The following TENT5D variants were observed in gnomAD, a reference collection of about 807,000 sequenced individuals.
TENT5D encodes cancer/testis antigen 112.
For synonymous variants in TENT5D, 103 were observed against 100.6 expected (o/e 1.02, Z -0.15); for missense variants, 191 against 287.0 (o/e 0.67, Z 2.42).
chrX:80,431,092 C>T (rs1329019152), intron 1 of TENT5D, among the ~76,000 whole-genome samples: 3 of 111,870 alleles, frequency 2.7e-5, no homozygotes, highest in Non-Finnish European at 3.8e-5. Flanking sequence ...ATATAAAATC[C>T]CATTGTTGTT....
At chrX:80,351,856 G>A (rs1481489968) in intron 3 of TENT5D, among the ~76,000 whole-genome samples, 1 of 112,056 alleles carries the variant, frequency 8.9e-6, no homozygotes, top group Non-Finnish European at 1.9e-5. Context: ...TTTTGTTGAT[G>A]TTGATGTTAT....
intron 1 of TENT5D, among the ~76,000 whole-genome samples, chrX:80,426,044 A>G (rs1341518333): frequency 9.1e-6 from 1 of 110,276 alleles, no homozygotes; most frequent in Non-Finnish European, 1.9e-5. Flanking sequence ...AATAATAATA[A>G]TAATAATATT....
At chrX:80,381,119 G>C (rs1930857044) in intron 3 of TENT5D, among the ~76,000 whole-genome samples, 2 of 111,819 alleles carry the variant, frequency 1.8e-5, no homozygotes, top group African/African-American at 6.5e-5. Flanking sequence ...TCCATGTTTA[G>C]TGCTTCCTTC....
chrX:80,366,208 AGTGTGTGT>A (rs3087109), intron 3 of TENT5D, among the ~76,000 whole-genome samples: 6 of 98,457 alleles, frequency 6.1e-5, no homozygotes, highest in East Asian at 3.3e-4. Flanking sequence ...GAAGACAGGG[AGTGTGTGT>A]GTGTGTGTGT....
Position 80,391,411 on chromosome X carries a change from AAAT to A in TENT5D, c.-141-47194_-141-47192del, listed in dbSNP as rs765699390. Among the ~76,000 whole-genome samples, 31 of 112,418 alleles carry A rather than the reference AAAT, an allele frequency of 2.8e-4. 1 individual carries two copies. The highest frequency in any genetic ancestry group is 4.5e-4 in the Non-Finnish European group (24 of 53,223). On this transcript the variant is annotated intron_variant, in intron 3 of 4. Coordinates refer to the TENT5D transcript ENST00000538312. Reference sequence around the variant, plus strand: ...GATCTTACATTATATACTTTAAACTAAATAATATTCTGCTACTTTTTAAACATT... The same window carrying A: ...GATCTTACATTATATACTTTAAACTAAATATTCTGCTACTTTTTAAACATT...
intron 2 of TENT5D, among the ~76,000 whole-genome samples, chrX:80,341,167 T>A (rs1224437727): frequency 8.9e-6 from 1 of 112,449 alleles, no homozygotes; most frequent in Non-Finnish European, 1.9e-5. Flanking sequence ...AAAAATTCTC[T>A]GAAGTATTTA....
chrX:80,384,208 T>C (rs1311499182), intron 3 of TENT5D, among the ~76,000 whole-genome samples: 1 of 99,085 alleles, frequency 1.0e-5, no homozygotes, highest in African/African-American at 3.7e-5. Context: ...CAGCAGCACA[T>C]CAAAAAGCTT....
At chrX:80,357,890 C>T (rs186689602) in intron 3 of TENT5D, among the ~76,000 whole-genome samples, 71 of 111,728 alleles carry the variant, frequency 6.4e-4, no homozygotes, top group Non-Finnish European at 1.0e-3. Context: ...ACGCTGGAGG[C>T]ATCACGCTAC....
chrX:80,412,585 C>T (rs777061491), intron 3 of TENT5D, among the ~76,000 whole-genome samples: 17 of 111,606 alleles, frequency 1.5e-4, no homozygotes, highest in African/African-American at 4.9e-4. Context: ...TGCCAGATAC[C>T]GTAAATCATC....
intron 3 of TENT5D, among the ~76,000 whole-genome samples, chrX:80,373,148 T>A (rs1268036098): frequency 9.0e-6 from 1 of 111,241 alleles, no homozygotes; most frequent in African/African-American, 3.3e-5. Context: ...CATGTGTATA[T>A]GTTTCTCAAA....
intron 3 of TENT5D, among the ~76,000 whole-genome samples, chrX:80,405,069 A>G (rs1931457111): frequency 8.9e-6 from 1 of 112,103 alleles, no homozygotes; most frequent in African/African-American, 3.2e-5. Context: ...ACCCGAGGGG[A>G]AAAAATTATA....
intron 3 of TENT5D, among the ~76,000 whole-genome samples, chrX:80,377,084 C>A (rs1290907793): frequency 9.0e-6 from 1 of 110,857 alleles, no homozygotes. Flanking sequence ...GTCATCCTTG[C>A]AGATAATAAT....
At chrX:80,397,050 A>G (rs192435484) in intron 3 of TENT5D, among the ~76,000 whole-genome samples, 8,791 of 82,566 alleles carry the variant, frequency 0.11, 641 homozygotes, top group African/African-American at 0.23. Flanking sequence ...CCTCCCTCCC[A>G]GACGGGGTGG....
chrX:80,368,927 A>T lies in TENT5D; in HGVS notation c.-142+26363A>T, dbSNP rs1477188786. 2.7e-5 allele frequency among the ~76,000 whole-genome samples: 3 copies of T among 111,564 alleles called. No individual in the cohort carries two copies. The East Asian group carries it at 8.4e-4, about 31-fold the overall frequency. ...TATATCAACCTTTTTTTTCTTTAAA[A>T]CACCAGTTACTATCACTTGTGAATG... On this transcript the variant is annotated intron_variant, in intron 3 of 4. Coordinates refer to the TENT5D transcript ENST00000538312.
At chrX:80,433,176 A>G (rs907714826) in intron 1 of TENT5D, among the ~76,000 whole-genome samples, 8 of 112,292 alleles carry the variant, frequency 7.1e-5, no homozygotes, top group Non-Finnish European at 1.1e-4. Context: ...TGGTTATACA[A>G]AGGACAAAAG....
At chrX:80,390,204 G>A (rs918865132) in intron 3 of TENT5D, among the ~76,000 whole-genome samples, 1 of 111,665 alleles carries the variant, frequency 9.0e-6, no homozygotes, top group Non-Finnish European at 1.9e-5. Flanking sequence ...AGGAAACAAA[G>A]TGCTCAGATA....
intron 3 of TENT5D, among the ~76,000 whole-genome samples, chrX:80,375,829 A>T (rs1277782745): frequency 1.8e-5 from 2 of 111,923 alleles, no homozygotes; most frequent in African/African-American, 6.5e-5. Flanking sequence ...TGATAAACAT[A>T]GCCCTCTTTG....
At chrX:80,370,965 C>A (rs761913457) in intron 3 of TENT5D, among the ~76,000 whole-genome samples, 10 of 112,114 alleles carry the variant, frequency 8.9e-5, no homozygotes, top group Non-Finnish European at 1.9e-4. Flanking sequence ...CTATATAATT[C>A]TTTGATTTCA....
At chrX:80,340,148 GC>G (rs1388591077) in intron 2 of TENT5D, among the ~76,000 whole-genome samples, 1 of 110,572 alleles carries the variant, frequency 9.0e-6, no homozygotes, top group African/African-American at 3.3e-5. Flanking sequence ...TTCAATGTAA[GC>G]ATAGTGCTCA....
Sources: gnomAD v4.1 joint callset for allele counts (sites outside exome capture counted in the v4.1 genomes callset) on GRCh38, gnomAD v4.1.1 for gene constraint, MANE v1.5 for transcripts, NCBI Gene and HGNC (gene_info 2026-07-23, HGNC 2026-07-21) for gene names.